The following KISS1 variants were observed in gnomAD, a reference collection of about 807,000 sequenced individuals.
KISS1 encodes the protein metastasis-suppressor KiSS-1.
For synonymous variants in KISS1, 97 were observed against 88.7 expected (o/e 1.09, Z -0.52); for missense variants, 182 against 182.7 (o/e 1.00, Z 0.02).
Position 204,190,420 on chromosome 1 carries a change from C to CCCCCCCCCCCCCAT in KISS1, c.*63_*64insATGGGGGGGGGGGG. On this transcript the variant is annotated 3_prime_UTR_variant, in exon 3 of 3. Transcript: ENST00000367194. Reference sequence around the variant, plus strand: ...CCCTTAGCCCTACGTCCCCGCCCCCCGCCCCCGCCCCGCATGCTCTGACTC... The same window carrying CCCCCCCCCCCCCAT: ...CCCTTAGCCCTACGTCCCCGCCCCCCCCCCCCCCCCCCATGCCCCCGCCCCGCATGCTCTGACTC... 1 of 758,476 alleles carries CCCCCCCCCCCCCAT rather than the reference C, an allele frequency of 1.3e-6. No individual in the cohort carries two copies. Among genetic ancestry groups the CCCCCCCCCCCCCAT allele is most frequent in the South Asian group, 1.5e-5 (1 of 67,606 alleles). The allele number at this position is 758,476 out of a possible 1,614,324, so 47.0% of individuals were successfully genotyped here.
At chr1:204,195,379 ACACACATCATG>A (rs1323524591) in intron 1 of KISS1, among the ~76,000 whole-genome samples, 8 of 148,170 alleles carry the variant, frequency 5.4e-5, no homozygotes, top group Admixed American at 4.1e-4. Flanking sequence ...ACACCTATAC[ACACACATCATG>A]CACACACACC....
Position 204,190,612 on chromosome 1 carries a change from G to A in KISS1, c.289C>T (p.Pro97Ser), listed in dbSNP as rs1004328270. ...SAPHSRQIPA[P>S]QGAVLVQREK... is the part of the protein sequence containing the mutation. ...CGCTGCACCAGCACCGCGCCCTGGG[G>A]TGCGGGGATCTGGCGGCTGTGGGGG... The change falls in exon 3 of 3, where the codon CCC becomes TCC. Residue 97 changes from proline (P) to serine (S), a missense_variant. Transcript: ENST00000367194. 3.1e-6 allele frequency: 5 copies of A among 1,590,412 alleles called. No individual in the cohort carries two copies. The African/African-American group carries it at 5.4e-5, about 17-fold the overall frequency.
At chr1:204,195,264 A>AC (rs1658826447) in intron 1 of KISS1, among the ~76,000 whole-genome samples, 3 of 9,312 alleles carry the variant, frequency 3.2e-4, no homozygotes, top group Non-Finnish European at 7.0e-4. Context: ...CACATCATAC[A>AC]CACACACATA....
intron 1 of KISS1, among the ~76,000 whole-genome samples, chr1:204,194,760 C>T (rs138690512): frequency 1.6e-4 from 25 of 152,246 alleles, no homozygotes; most frequent in African/African-American, 5.8e-4. Flanking sequence ...GAAAGGTTTA[C>T]AGAAAGTGTT....
chr1:204,194,778 C>T (rs577457441), intron 1 of KISS1, among the ~76,000 whole-genome samples: 24 of 152,166 alleles, frequency 1.6e-4, no homozygotes, highest in African/African-American at 5.3e-4. Context: ...GTTCCCAGGA[C>T]GGTGCTAAGG....
rs370577747 is a variant in KISS1, at chr1:204,195,924, T to C, written c.-39+452A>G. On this transcript the variant is annotated intron_variant, in intron 1 of 2. Transcript: ENST00000367194. The stretch of plus-strand genomic sequence containing the variant: ...ATTCCAGGCATGGTTGGAAAGCTTC[T>C]GGAGTGAAGTGGCCCCTAGTTCTTA... Among the ~76,000 whole-genome samples the C allele has an allele frequency of 5.3e-5, 8 of 152,306 alleles. No homozygotes were observed. The East Asian group carries it at 1.4e-3, about 26-fold the overall frequency.
chr1:204,194,559 C>T (rs886525199), intron 1 of KISS1, among the ~76,000 whole-genome samples: 1 of 152,082 alleles, frequency 6.6e-6, no homozygotes, highest in African/African-American at 2.4e-5. Flanking sequence ...GAGTTGCTGC[C>T]CCCAAGATCT....
chr1:204,193,248 G>A (rs1658776873), intron 1 of KISS1, among the ~76,000 whole-genome samples: 1 of 152,200 alleles, frequency 6.6e-6, no homozygotes, highest in Non-Finnish European at 1.5e-5. Flanking sequence ...CCAGGATTCT[G>A]AATCTCAGGG....
At position 204,190,660 on chromosome 1, in the gene KISS1, G is replaced by A. The variant is rs901654968; in HGVS notation, c.241C>T (p.Pro81Ser). 2 of 1,585,952 alleles carry A rather than the reference G, an allele frequency of 1.3e-6. No individual in the cohort carries two copies. The highest frequency in any genetic ancestry group is 2.3e-5 in the South Asian group (2 of 87,702). ...GGGGCGGACAGGCCCGGCTGCTGGG[G>A]GCTCCCGGAGCTCTCGGGGGGCGGG... ...LSPPPESSGS[P>S]QQPGLSAPHS... The change falls in exon 3 of 3, where the codon CCC becomes TCC. Residue 81 changes from proline to serine, a missense_variant. Pro to Ser is a moderately conservative substitution (Grantham distance 74). Transcript: ENST00000367194.
chr1:204,190,759 C>A lies in KISS1; in HGVS notation c.142G>T (p.Glu48Ter), dbSNP rs928040235. ...CTCTCGGTGCACGGCAGGCTCTGCT[C>A]CCCGGGGGCCAGGAGGCCCAGGGAT... The part of the protein sequence containing the change: ...LESLGLLAPG[E>*]QSLPCTERKP... Residue 48 changes from glutamate (E) to a stop codon, truncating the protein, a stop_gained, in exon 3 of 3, where the codon GAG (glutamate) becomes TAG (stop). Coordinates refer to ENST00000367194, the MANE Select transcript of KISS1 (RefSeq NM_002256.4). LOFTEE classifies it low-confidence loss of function (END_TRUNC). 15 of 1,611,376 alleles carry A rather than the reference C, an allele frequency of 9.3e-6. No homozygotes were observed. The highest frequency in any genetic ancestry group is 8.5e-6 in the Non-Finnish European group (10 of 1,179,552).
Position 204,190,735 on chromosome 1 carries a change from T to C in KISS1, c.166A>G (p.Arg56Gly). 6.2e-7 allele frequency: 1 copy of C among 1,610,110 alleles called. No individual in the cohort carries two copies. The highest frequency in any genetic ancestry group is 8.5e-7 in the Non-Finnish European group (1 of 1,179,220). The change falls in exon 3 of 3, where the codon AGG (arginine) becomes GGG (glycine). Residue 56 changes from arginine (R) to glycine (G), a missense_variant. Coordinates refer to ENST00000367194, the MANE Select transcript of KISS1 (RefSeq NM_002256.4). The part of the protein sequence containing the change: ...PGEQSLPCTE[R>G]KPAATARLSR... ...AGCCTGGCAGTAGCAGCTGGCTTCC[T>C]CTCGGTGCACGGCAGGCTCTGCTCC...
rs1658708438 is a variant in KISS1 at position 204,190,344 on chromosome 1, G to A, written c.*140C>T. On this transcript the variant is annotated 3_prime_UTR_variant, in exon 3 of 3. Coordinates refer to ENST00000367194, the MANE Select transcript of KISS1 (RefSeq NM_002256.4). The stretch of plus-strand genomic sequence containing the variant: ...TGAGCCGCAGACCACACGTCAGTGA[G>A]TTACGCAACATTTCTTTTATTGCCT... 2.2e-6 allele frequency: 2 copies of A among 907,118 alleles called. No homozygotes were observed. Among genetic ancestry groups the A allele is most frequent in the Non-Finnish European group, 3.5e-6 (2 of 577,316 alleles). The allele number at this position is 907,118 out of a possible 1,614,324, so 56.2% of individuals were successfully genotyped here. A position where few individuals can be genotyped will look rare whatever the true frequency, so the allele number is the denominator to read the frequency against.
intron 1 of KISS1, among the ~76,000 whole-genome samples, chr1:204,193,733 C>G (rs962133001): frequency 2.0e-4 from 31 of 152,248 alleles, no homozygotes; most frequent in Admixed American, 9.2e-4. Context: ...ATCATTTTGG[C>G]TGCTGAGATG....
At position 204,190,626 on chromosome 1, in the gene KISS1, C is replaced by A. The variant is rs1658717266; in HGVS notation, c.275G>T (p.Arg92Leu). The change falls in exon 3 of 3, where the codon CGC becomes CTC. Residue 92 changes from arginine to leucine, a missense_variant. Coordinates refer to ENST00000367194, the MANE Select transcript of KISS1 (RefSeq NM_002256.4). ...CGCGCCCTGGGGTGCGGGGATCTGG[C>A]GGCTGTGGGGGGCGGACAGGCCCGG... is the stretch of plus-strand genomic sequence containing the variant. Reference protein sequence around the residue: ...QQPGLSAPHSRQIPAPQGAVL... With the variant: ...QQPGLSAPHSLQIPAPQGAVL... 1.9e-6 allele frequency: 3 copies of A among 1,585,570 alleles called. No individual in the cohort carries two copies. Among genetic ancestry groups the A allele is most frequent in the Non-Finnish European group, 2.6e-6 (3 of 1,166,370 alleles).
chr1:204,194,394 A>G (rs1231334800), intron 1 of KISS1, among the ~76,000 whole-genome samples: 1 of 152,146 alleles, frequency 6.6e-6, no homozygotes, highest in East Asian at 1.9e-4. Flanking sequence ...TGGGGCACGG[A>G]GTAGAGGTAG....
Position 204,190,464 on chromosome 1 carries a change from A to G in KISS1, c.*20T>C, listed in dbSNP as rs376348936. 1.6e-4 allele frequency: 239 copies of G among 1,499,594 alleles called. 1 individual carries two copies. In the African/African-American group the frequency reaches 2.8e-3, roughly 18 times the overall value. The allele number at this position is 1,499,594 out of a possible 1,614,324, so 92.9% of individuals were successfully genotyped here. ...CTGACTCCTTTGGGGTCTGAAGTTC[A>G]CTGCCCCGCACCTGCGCCCTCAGCC... On this transcript the variant is annotated 3_prime_UTR_variant, in exon 3 of 3. Transcript: ENST00000367194.
Position 204,190,409 on chromosome 1 carries a change from T to TCCCCCCCCCCC in KISS1, c.*74_*75insGGGGGGGGGGG, listed in dbSNP as rs1553307861. The TCCCCCCCCCCC allele has an allele frequency of 7.1e-4, 408 of 572,808 alleles. 6 individuals are homozygous for TCCCCCCCCCCC. The highest frequency in any genetic ancestry group is 9.8e-4 in the Admixed American group (40 of 40,786). 35.5% of individuals were successfully genotyped at this position (572,808 alleles called of 1,614,324 possible). ...CAGCGCCCCCTCCCTTAGCCCTACG[T>TCCCCCCCCCCC]CCCCGCCCCCCGCCCCCGCCCCGCA... On this transcript the variant is annotated 3_prime_UTR_variant, in exon 3 of 3. Coordinates refer to ENST00000367194, the MANE Select transcript of KISS1 (RefSeq NM_002256.4).
At position 204,192,748 on chromosome 1, in the gene KISS1, C is replaced by A. The variant is rs754795317; in HGVS notation, c.103+26G>T. 5 of 1,443,826 alleles carry A rather than the reference C, an allele frequency of 3.5e-6. No individual in the cohort carries two copies. Among genetic ancestry groups the A allele is most frequent in the Non-Finnish European group, 4.8e-6 (5 of 1,038,320 alleles). 89.4% of individuals were successfully genotyped at this position (1,443,826 alleles called of 1,614,324 possible). A position where few individuals can be genotyped will look rare whatever the true frequency, so the allele number is the denominator to read the frequency against. On this transcript the variant is annotated intron_variant, in intron 2 of 2. Transcript: ENST00000367194. This position sits in a 1 kb window ranked among gnomAD's most constrained non-coding sequence, Gnocchi z 4.2. ...TTGCAACAACCCACTTGCTCCCTCC[C>A]ACTCCTTTCCCCAGAGGATACATAC...
intron 1 of KISS1, among the ~76,000 whole-genome samples, chr1:204,193,753 T>A (rs1658787323): frequency 6.6e-6 from 1 of 152,174 alleles, no homozygotes; most frequent in Admixed American, 6.6e-5. Context: ...GGGAGCCGTG[T>A]GCCCTGATCC....
Sources: allele counts gnomAD v4.1 joint callset (sites outside exome capture counted in the v4.1 genomes callset), GRCh38; gene constraint gnomAD v4.1.1; non-coding constraint Gnocchi (gnomAD v3.1); transcripts MANE v1.5; gene names NCBI Gene and HGNC (gene_info 2026-07-23, HGNC 2026-07-21).